SLC29A2: variants seen among roughly 807,000 people sequenced by gnomAD.
SLC29A2 encodes solute carrier family 29 member 2.
In SLC29A2, 37 loss-of-function variants were observed where a neutral mutation model predicts 48.8. That is an observed-to-expected ratio of 0.76 (90% CI 0.58 to 1.00). SLC29A2 has a LOEUF of 1.00. Among genes scored for constraint, SLC29A2 ranks in the 50% least tolerant of loss-of-function variants. SLC29A2 has a pLI of 0.00. For synonymous variants in SLC29A2, 233 were observed against 261.7 expected (o/e 0.89, Z 1.06); for missense variants, 533 against 578.6 (o/e 0.92, Z 0.81).
In SLC29A2 at chr11:66,369,579, C is replaced by T. The variant is rs200511936; in HGVS notation, c.112-47G>A. ...GAGGGTCAGCACCTCTCAGCCTTCC[C>T]CCGCTGCCTTCCCCCTCACTTGTGA... On this transcript the variant is annotated intron_variant, in intron 2 of 11. Transcript: ENST00000357440. 2.5e-5 allele frequency: 40 copies of T among 1,606,606 alleles called. 1 individual carries two copies. In the South Asian group the frequency reaches 4.3e-4, roughly 17 times the overall value.
In SLC29A2 at chr11:66,369,416, C is replaced by T; in HGVS notation, c.228G>A (p.Gln76=). The T allele has an allele frequency of 6.2e-7, 1 of 1,614,108 alleles. No homozygotes were observed. The highest frequency in any genetic ancestry group is 8.5e-7 in the Non-Finnish European group (1 of 1,180,000). The part of the protein sequence containing the change: ...NFNNWVTLLS[Q]LPLLLFTLLN... ...GGAGGGTGAAGAGCAGCAGGGGCAG[C>T]TGGGACAGCAGCGTCACCCAATTGT... The change falls in exon 3 of 12, where the codon CAG becomes CAA. Residue 76 remains glutamine (Q), a synonymous_variant. Transcript: ENST00000357440.
chr11:66,367,847 A>G lies in SLC29A2; in HGVS notation c.573T>C (p.Ser191=). The change falls in exon 6 of 12, where the codon TCT becomes TCC. Residue 191 remains serine (S), a synonymous_variant. Transcript: ENST00000357440. ...AGGGCGTGATAAAGTACCCCAGGGCAGAGGTCTCGGCGTCCACGCCACCTG... is the reference window on the plus strand; with the variant it reads ...AGGGCGTGATAAAGTACCCCAGGGCGGAGGTCTCGGCGTCCACGCCACCTG... ...SMASGVDAET[S]ALGYFITPCV... is the part of the protein sequence containing the mutation. 2.5e-6 allele frequency: 4 copies of G among 1,614,154 alleles called. No individual in the cohort carries two copies. Among genetic ancestry groups the G allele is most frequent in the Non-Finnish European group, 3.4e-6 (4 of 1,179,984 alleles).
chr11:66,365,795 C>T (rs1216350056), intron 10 of SLC29A2, 141 bp downstream of exon 10: 2 of 808,976 alleles, frequency 2.5e-6, no homozygotes, highest in Non-Finnish European at 4.3e-6. Context: ...CCTCCAGGGC[C>T]CAAGTGCTCC....
At position 66,370,624 on chromosome 11, in the gene SLC29A2, G is replaced by A. The variant is rs189326274; in HGVS notation, c.111+620C>T. 4.3e-3 allele frequency among the ~76,000 whole-genome samples: 653 copies of A among 152,268 alleles called. 13 individuals are homozygous for A. In the East Asian group the frequency reaches 0.058, roughly 13 times the overall value. On this transcript the variant is annotated intron_variant, in intron 2 of 11. Transcript: ENST00000357440. ...TGTAATCCCAGCACTTTGGGAGGCC[G>A]AGGCGGGAGGATCACGAGGTCAGGA...
chr11:66,367,933 A>G, intron 5 of SLC29A2, 64 bp from the exon 6 acceptor site: 1 of 1,299,218 alleles, frequency 7.7e-7, no homozygotes, highest in South Asian at 1.2e-5. Flanking sequence ...CGGGGCTTCC[A>G]ACTCTTGTCC....
chr11:66,367,527 C>A lies in SLC29A2; in HGVS notation c.670G>T (p.Ala224Ser). ...GCTTGGGCCTGGGATGATTTATTGG[C>A]CAGGTAGTAGCGGGCAAACTTCTGC... ...PHLKFARYYL[A>S]NKSSQAQAQE... Residue 224 changes from alanine to serine, a missense_variant, in exon 7 of 12, where the codon GCC becomes TCC. Physicochemically the swap from Ala to Ser is moderately conservative, Grantham distance 99. Transcript: ENST00000357440. The A allele has an allele frequency of 6.2e-7, 1 of 1,614,078 alleles. No individual in the cohort carries two copies. The highest frequency in any genetic ancestry group is 1.1e-5 in the South Asian group (1 of 91,078).
At position 66,371,689 on chromosome 11, in the gene SLC29A2, G is replaced by A; in HGVS notation, c.-98C>T. 2 of 1,259,706 alleles carry A rather than the reference G, an allele frequency of 1.6e-6. No homozygotes were observed. Among genetic ancestry groups the A allele is most frequent in the Non-Finnish European group, 2.2e-6 (2 of 911,944 alleles). The allele number at this position is 1,259,706 out of a possible 1,614,324, so 78.0% of individuals were successfully genotyped here. Reference sequence around the variant, plus strand: ...GCCGCAGACCGGTGGGGCGGGGGGCGGGTCTCCCCAGATTCCGGTGCAGGG... The same window carrying A: ...GCCGCAGACCGGTGGGGCGGGGGGCAGGTCTCCCCAGATTCCGGTGCAGGG... On this transcript the variant is annotated 5_prime_UTR_variant, in exon 1 of 12. Transcript: ENST00000357440.
chr11:66,363,533 T>C lies in SLC29A2; in HGVS notation c.1274A>G (p.His425Arg). The stretch of plus-strand genomic sequence containing the variant: ...GAGGGCGCCGGCCACCTCCCTCTCG[T>C]GTGGCAGCACCTGCCTAGAACACCC... ...MCLAPRQVLP[H>R]EREVAGALMT... Residue 425 changes from histidine (H) to arginine (R), a missense_variant, in exon 12 of 12, where the codon CAC becomes CGC. Transcript: ENST00000357440. 1.2e-6 allele frequency: 2 copies of C among 1,613,304 alleles called. No homozygotes were observed. Among genetic ancestry groups the C allele is most frequent in the Non-Finnish European group, 1.7e-6 (2 of 1,179,576 alleles).
chr11:66,371,313 G>A lies in SLC29A2; in HGVS notation c.42C>T (p.Val14=). ...GDAPRDSYHL[V]GISFFILGLG... The stretch of plus-strand genomic sequence containing the variant: ...GCCCCAGGATGAAGAAGCTGATCCC[G>A]ACCAGGTGGTAGCTGTGGGGATCGG... Residue 14 remains valine, a synonymous_variant, in exon 2 of 12, where the codon GTC becomes GTT. Coordinates refer to ENST00000357440, the MANE Select transcript of SLC29A2 (RefSeq NM_001532.3). The A allele has an allele frequency of 1.2e-6, 2 of 1,613,828 alleles. No homozygotes were observed. Among genetic ancestry groups the A allele is most frequent in the Non-Finnish European group, 1.7e-6 (2 of 1,179,944 alleles).
chr11:66,367,842 A>G lies in SLC29A2; in HGVS notation c.578T>C (p.Leu193Pro). The G allele has an allele frequency of 6.2e-7, 1 of 1,614,190 alleles. No individual in the cohort carries two copies. Among genetic ancestry groups the G allele is most frequent in the Non-Finnish European group, 8.5e-7 (1 of 1,180,002 alleles). The change falls in exon 6 of 12, where the codon CTG becomes CCG. Residue 193 changes from leucine to proline, a missense_variant. Physicochemically the swap from Leu to Pro is moderately conservative, Grantham distance 98. Coordinates refer to ENST00000357440, the MANE Select transcript of SLC29A2 (RefSeq NM_001532.3). The part of the protein sequence containing the change: ...ASGVDAETSA[L>P]GYFITPCVGI... ...CACACAGGGCGTGATAAAGTACCCC[A>G]GGGCAGAGGTCTCGGCGTCCACGCC...
At chr11:66,372,430 G>C (rs903901998), upstream of SLC29A2, among the ~76,000 whole-genome samples, 5 of 152,224 alleles carry the variant, frequency 3.3e-5, no homozygotes, top group Non-Finnish European at 5.9e-5. Context: ...GAAGTGAGAG[G>C]CTCCAAAACA....
In SLC29A2 at chr11:66,371,706, G is replaced by C; in HGVS notation, c.-115C>G. ...CGGGGGGCGGGTCTCCCCAGATTCC[G>C]GTGCAGGGCGGCTGGAGTCGCACAG... is the stretch of plus-strand genomic sequence containing the variant. On this transcript the variant is annotated 5_prime_UTR_variant, in exon 1 of 12. Coordinates refer to ENST00000357440, the MANE Select transcript of SLC29A2 (RefSeq NM_001532.3). 1.9e-6 allele frequency: 2 copies of C among 1,064,470 alleles called. No homozygotes were observed. The highest frequency in any genetic ancestry group is 3.0e-5 in the South Asian group (2 of 65,966). The allele number at this position is 1,064,470 out of a possible 1,614,324, so 65.9% of individuals were successfully genotyped here. A position where few individuals can be genotyped will look rare whatever the true frequency, so the allele number is the denominator to read the frequency against.
chr11:66,364,844 G>GTA (rs1855583965), intron 10 of SLC29A2: 2 of 178,028 alleles, frequency 1.1e-5, no homozygotes, highest in African/African-American at 4.9e-5. Context: ...GTGTGTGTGT[G>GTA]TACAGACAAA....
chr11:66,368,319 G>T (rs191401183), intron 5 of SLC29A2, among the ~76,000 whole-genome samples: 2 of 152,078 alleles, frequency 1.3e-5, no homozygotes, highest in East Asian at 3.9e-4. Context: ...CAGGAATCCT[G>T]CCCCTGTCCC....
Position 66,366,005 on chromosome 11 carries a change from G to A in SLC29A2, c.990C>T (p.Pro330=). 3 of 1,614,196 alleles carry A rather than the reference G, an allele frequency of 1.9e-6. No individual in the cohort carries two copies. Among genetic ancestry groups the A allele is most frequent in the Non-Finnish European group, 2.5e-6 (3 of 1,180,026 alleles). ...TGTTGAAGAGGAGGAAGCAGCAGAT[G>A]GGGTTGAAGAACTGACCTGGGAGGG... ...SPGKWSQFFN[P]ICCFLLFNIM... is the part of the protein sequence containing the mutation. The change falls in exon 10 of 12, where the codon CCC becomes CCT. Residue 330 remains proline (P), a synonymous_variant. Transcript: ENST00000357440.
chr11:66,370,253 CT>C (rs1565223867), intron 2 of SLC29A2, among the ~76,000 whole-genome samples: 1 of 152,236 alleles, frequency 6.6e-6, no homozygotes, highest in Non-Finnish European at 1.5e-5. Context: ...GCAGAAGGAA[CT>C]TTCTCCCTCC....
rs3177514 is a variant in SLC29A2, at chr11:66,362,887, T to G, written c.*549A>C. Reference sequence around the variant, plus strand: ...TGTGGCCCTGGGGCCCAGGCCCAGCTGGGCTCTGCGGAGTGGGTACAGTAA... The same window carrying G: ...TGTGGCCCTGGGGCCCAGGCCCAGCGGGGCTCTGCGGAGTGGGTACAGTAA... On this transcript the variant is annotated 3_prime_UTR_variant, in exon 12 of 12. Coordinates refer to ENST00000357440, the MANE Select transcript of SLC29A2 (RefSeq NM_001532.3). 105,255 of 177,750 alleles carry G rather than the reference T, an allele frequency of 0.59. 34,471 individuals are homozygous for G. The highest frequency in any genetic ancestry group is 0.81 in the South Asian group (6,307 of 7,816). 11.0% of individuals were successfully genotyped at this position (177,750 alleles called of 1,614,324 possible).
chr11:66,366,878 G>A (rs1404188461), intron 7 of SLC29A2, among the ~76,000 whole-genome samples: 5 of 152,152 alleles, frequency 3.3e-5, no homozygotes, highest in South Asian at 2.1e-4. Context: ...CCAGGAGGTC[G>A]AGGCTGCAGT....
chr11:66,367,692 T>G (rs1384346692), intron 6 of SLC29A2, 80 bp downstream of exon 6: 12 of 1,511,412 alleles, frequency 7.9e-6, no homozygotes, highest in Non-Finnish European at 1.1e-5. Flanking sequence ...CCACCTCCCC[T>G]GGCCTCTCTC....
Sources: gnomAD v4.1 joint callset for allele counts (sites outside exome capture counted in the v4.1 genomes callset) on GRCh38, gnomAD v4.1.1 for gene constraint, MANE v1.5 for transcripts, NCBI Gene and HGNC (gene_info 2026-07-23, HGNC 2026-07-21) for gene names.